Variants in BMPER observed in about 807,000 individuals in gnomAD.
BMPER encodes BMP-binding endothelial regulator protein.
BMPER carries 45 observed loss-of-function variants against 87.3 expected under a neutral mutation model. That is an observed-to-expected ratio of 0.52 (90% confidence interval 0.41 to 0.66). The LOEUF (loss-of-function observed/expected upper bound fraction) is 0.66. Ranked by LOEUF, BMPER falls within the 30% of genes least tolerant of loss-of-function variation. BMPER has a pLI of 0.00. For synonymous variants in BMPER, 326 were observed against 316.2 expected, an observed-to-expected ratio of 1.03 and a Z score of -0.33; for missense variants, 784 against 867.5, an observed-to-expected ratio of 0.90 and a Z score of 1.21.
rs575596570 is a variant in BMPER, at chr7:33,908,989, C to T, written c.219+2086C>T. On this transcript the variant is annotated intron_variant, in intron 2 of 14. Transcript: ENST00000649409. Reference sequence around the variant, plus strand: ...GCAGTTCATGGATTTCAAAGCACTCCGGACAGCCAGGAAGCTACTTGGCAT... The same window carrying T: ...GCAGTTCATGGATTTCAAAGCACTCTGGACAGCCAGGAAGCTACTTGGCAT... Among the ~76,000 whole-genome samples, 13 of 152,282 alleles carry T rather than the reference C, an allele frequency of 8.5e-5. No individual in the cohort carries two copies. In the South Asian group the frequency reaches 1.0e-3, roughly 12 times the overall value.
chr7:33,940,691 G>A (rs903319238), intron 3 of BMPER, among the ~76,000 whole-genome samples: 1 of 151,912 alleles, frequency 6.6e-6, no homozygotes, highest in African/African-American at 2.4e-5. Flanking sequence ...TGCTCATGCT[G>A]AAGCTTTTGA....
At chr7:33,932,730 A>G (rs913705444) in intron 2 of BMPER, among the ~76,000 whole-genome samples, 2 of 151,992 alleles carry the variant, frequency 1.3e-5, no homozygotes, top group Non-Finnish European at 2.9e-5. Flanking sequence ...TGATTCTATT[A>G]TTTTTTATTA....
chr7:34,074,264 G>T (rs530664697), intron 11 of BMPER, among the ~76,000 whole-genome samples: 1 of 152,292 alleles, frequency 6.6e-6, no homozygotes, highest in South Asian at 2.1e-4. Context: ...ATACATGTTA[G>T]ATTGTTTCCC....
rs1420762623 is a variant in BMPER at position 34,092,696 on chromosome 7, A to G, written c.1745+6604A>G. On this transcript the variant is annotated intron_variant, in intron 13 of 14. Transcript: ENST00000649409. ...TTGATCCATCCAAGTCACCCAAAAC[A>G]AGGATCTTAAAAAGCTTTCTAGCTA... is the stretch of plus-strand genomic sequence containing the variant. Among the ~76,000 whole-genome samples the G allele has an allele frequency of 2.6e-5, 4 of 152,170 alleles. No homozygotes were observed. The East Asian group carries it at 7.7e-4, about 29-fold the overall frequency.
At chr7:34,137,313 G>A (rs17753041) in intron 13 of BMPER, among the ~76,000 whole-genome samples, 83,795 of 152,160 alleles carry the variant, frequency 0.55, 23,902 homozygotes, top group East Asian at 0.8. Flanking sequence ...AACAGCTCCC[G>A]TGGCCTTGGC....
chr7:33,956,914 T>C (rs1267911004), intron 3 of BMPER, among the ~76,000 whole-genome samples: 2 of 152,144 alleles, frequency 1.3e-5, no homozygotes, highest in African/African-American at 4.8e-5. Flanking sequence ...AGAGGGTTGG[T>C]CAAGGGTCAA....
intron 4 of BMPER, among the ~76,000 whole-genome samples, chr7:33,968,103 A>G (rs1313925781): frequency 6.6e-6 from 1 of 152,154 alleles, no homozygotes; most frequent in Non-Finnish European, 1.5e-5. Context: ...TTACTGTTGA[A>G]AGAGATCTTA....
chr7:34,047,508 A>G (rs1367577848), intron 7 of BMPER, among the ~76,000 whole-genome samples: 1 of 151,784 alleles, frequency 6.6e-6, no homozygotes, highest in Non-Finnish European at 1.5e-5. Context: ...CGATCTCCTG[A>G]CCTTGTGATC....
chr7:34,086,183 A>G, intron 13 of BMPER, 91 bp downstream of exon 13: 1 of 1,441,898 alleles, frequency 6.9e-7, no homozygotes, highest in Non-Finnish European at 9.5e-7. Flanking sequence ...CTTGTTGTGC[A>G]GGACAAAGGC....
At chr7:34,076,154 G>A (rs1562727264) in intron 11 of BMPER, among the ~76,000 whole-genome samples, 1 of 152,070 alleles carries the variant, frequency 6.6e-6, no homozygotes, top group Non-Finnish European at 1.5e-5. Context: ...AGTCTCCCTG[G>A]ACATTCTCCA....
At chr7:33,970,729 C>G (rs1356496054) in intron 5 of BMPER, among the ~76,000 whole-genome samples, 1 of 152,096 alleles carries the variant, frequency 6.6e-6, no homozygotes, top group Non-Finnish European at 1.5e-5. Flanking sequence ...CCAGAGATGT[C>G]TTTTTACTGC....
At chr7:34,096,261 A>G (rs1394242311) in intron 13 of BMPER, among the ~76,000 whole-genome samples, 10 of 152,224 alleles carry the variant, frequency 6.6e-5, no homozygotes, top group Admixed American at 6.5e-4. Flanking sequence ...TTATGAGGCC[A>G]GCATCATGAC....
intron 13 of BMPER, among the ~76,000 whole-genome samples, chr7:34,108,753 G>A (rs1338663364): frequency 6.6e-6 from 1 of 152,188 alleles, no homozygotes; most frequent in Non-Finnish European, 1.5e-5. Flanking sequence ...TTCACCTGAT[G>A]CCAAATACTT....
chr7:33,914,103 C>T (rs1434831503), intron 2 of BMPER, among the ~76,000 whole-genome samples: 1 of 151,552 alleles, frequency 6.6e-6, no homozygotes, highest in African/African-American at 2.4e-5. Context: ...GCTGGGACTA[C>T]AGGCGCCCGC....
intron 9 of BMPER, among the ~76,000 whole-genome samples, chr7:34,055,707 G>A (rs898349478): frequency 6.6e-6 from 1 of 152,040 alleles, no homozygotes; most frequent in Non-Finnish European, 1.5e-5. Context: ...AGCTACCTTT[G>A]CAAAGAAAAA....
intron 6 of BMPER, among the ~76,000 whole-genome samples, chr7:33,977,955 G>A (rs569269375): frequency 3.3e-5 from 5 of 152,264 alleles, no homozygotes; most frequent in South Asian, 2.1e-4. Flanking sequence ...GCAGAAGAGT[G>A]CGGAGGGGAG....
intron 6 of BMPER, among the ~76,000 whole-genome samples, chr7:34,040,170 T>C (rs1245492775): frequency 6.6e-6 from 1 of 152,104 alleles, no homozygotes; most frequent in Non-Finnish European, 1.5e-5. Context: ...TGGTTTTACT[T>C]GCATGAAATG....
At chr7:34,068,165 G>A (rs1016020553) in intron 11 of BMPER, among the ~76,000 whole-genome samples, 1 of 152,170 alleles carries the variant, frequency 6.6e-6, no homozygotes, top group East Asian at 1.9e-4. Context: ...TATCACAGCC[G>A]TCTTGTGGTC....
At chr7:33,938,175 T>A (rs771507973) in intron 3 of BMPER, among the ~76,000 whole-genome samples, 2 of 152,122 alleles carry the variant, frequency 1.3e-5, no homozygotes, top group African/African-American at 4.8e-5. Context: ...CGTGTATGTG[T>A]CAATAGCGCT....
Sources: allele counts gnomAD v4.1 joint callset (sites outside exome capture counted in the v4.1 genomes callset), GRCh38; gene constraint gnomAD v4.1.1; transcripts MANE v1.5; gene names NCBI Gene and HGNC (gene_info 2026-07-23, HGNC 2026-07-21).